PTGES3: variants seen among roughly 807,000 people sequenced by gnomAD.
The protein encoded by PTGES3 is prostaglandin E synthase 3, also known as Hsp90 co-chaperone.
PTGES3 carries 5 observed loss-of-function variants against 29.9 expected under a neutral mutation model. That is an observed-to-expected ratio of 0.17 (90% CI 0.09 to 0.35). The LOEUF is 0.35. Ranked by LOEUF, PTGES3 falls within the 10% of genes least tolerant of loss-of-function variation. The pLI, the probability that PTGES3 is intolerant of heterozygous loss-of-function variation, is 1.00. For synonymous variants in PTGES3, 49 were observed against 57.8 expected (o/e 0.85, Z 0.69); for missense variants, 128 against 190.0 (o/e 0.67, Z 1.92).
chr12:56,673,969 AAACAAC>A (rs1011192900), intron 1 of PTGES3, among the ~76,000 whole-genome samples: 3 of 152,072 alleles, frequency 2.0e-5, no homozygotes, highest in East Asian at 1.9e-4. Context: ...GTCTCAAAAC[AAACAAC>A]AACAACAAAA....
chr12:56,683,060 A>G (rs570084540), intron 1 of PTGES3, among the ~76,000 whole-genome samples: 1 of 152,056 alleles, frequency 6.6e-6, no homozygotes, highest in African/African-American at 2.4e-5. Context: ...TCTAGAATCT[A>G]TCATTGCCGG....
intron 1 of PTGES3, chr12:56,687,518 G>C (rs1173983804): frequency 1.0e-6 from 1 of 1,000,622 alleles, no homozygotes; most frequent in South Asian, 4.3e-5. Context: ...GGCGAGGTCC[G>C]CGTGGGGCTC....
intron 1 of PTGES3, chr12:56,687,326 T>TA: frequency 3.0e-6 from 3 of 989,090 alleles, no homozygotes; most frequent in Non-Finnish European, 3.6e-6. Flanking sequence ...TGCTCAATGG[T>TA]AACTCCTCCT....
intron 5 of PTGES3, 51 bp from the exon 6 acceptor site, chr12:56,666,317 A>C: frequency 6.3e-7 from 1 of 1,588,528 alleles, no homozygotes; most frequent in Non-Finnish European, 8.6e-7. Context: ...GTTAGGCCCT[A>C]ATTATTAATG....
chr12:56,675,862 G>T (rs1395571403), intron 1 of PTGES3, among the ~76,000 whole-genome samples: 4 of 152,110 alleles, frequency 2.6e-5, no homozygotes, highest in Non-Finnish European at 5.9e-5. Flanking sequence ...GGTGGAGGTT[G>T]CAGTGAGCCC....
At chr12:56,677,012 G>C (rs990693157) in intron 1 of PTGES3, among the ~76,000 whole-genome samples, 2 of 151,204 alleles carry the variant, frequency 1.3e-5, no homozygotes, top group African/African-American at 2.4e-5. Flanking sequence ...GAGGTGAGCA[G>C]GTCACCTGAT....
chr12:56,674,807 C>T (rs898960422), intron 1 of PTGES3, among the ~76,000 whole-genome samples: 1 of 93,472 alleles, frequency 1.1e-5, no homozygotes, highest in African/African-American at 4.4e-5. Flanking sequence ...GCCTGGGCAA[C>T]AGAGCAAGAC....
chr12:56,682,638 A>G (rs1191872642), intron 1 of PTGES3, among the ~76,000 whole-genome samples: 2 of 148,724 alleles, frequency 1.3e-5, no homozygotes, highest in Non-Finnish European at 3.0e-5. Context: ...CTGTAAACCC[A>G]GGACTTTGGG....
At position 56,688,241 on chromosome 12, in the gene PTGES3, G is replaced by A. The variant is rs925652243; in HGVS notation, c.-242C>T. 1.1e-5 allele frequency: 7 copies of A among 648,544 alleles called. No individual in the cohort carries two copies. Among genetic ancestry groups the A allele is most frequent in the South Asian group, 6.0e-5 (2 of 33,604 alleles). The allele number at this position is 648,544 out of a possible 1,614,324, so 40.2% of individuals were successfully genotyped here. A position where few individuals can be genotyped will look rare whatever the true frequency, so the allele number is the denominator to read the frequency against. On this transcript the variant is annotated 5_prime_UTR_variant, in exon 1 of 8. Coordinates refer to ENST00000262033, the MANE Select transcript of PTGES3 (RefSeq NM_006601.7). ...GGAAAGTGTAGGAAAAGGGGCGCGA[G>A]GACGGAGAATGAACGTGCGTGCGTG...
At chr12:56,675,604 T>C (rs1188246298) in intron 1 of PTGES3, among the ~76,000 whole-genome samples, 1 of 151,166 alleles carries the variant, frequency 6.6e-6, no homozygotes, top group Non-Finnish European at 1.5e-5. Flanking sequence ...TGACCCTTTA[T>C]ACAAGTTGGC....
chr12:56,683,346 G>A (rs1366716406), intron 1 of PTGES3, among the ~76,000 whole-genome samples: 2 of 151,582 alleles, frequency 1.3e-5, no homozygotes, highest in Non-Finnish European at 2.9e-5. Flanking sequence ...GGTGGCGCAT[G>A]CCTGTGATCG....
At chr12:56,683,635 GCC>G (rs1952671783) in intron 1 of PTGES3, among the ~76,000 whole-genome samples, 1 of 151,192 alleles carries the variant, frequency 6.6e-6, no homozygotes, top group Non-Finnish European at 1.5e-5. Flanking sequence ...GGGCGACAGA[GCC>G]AGACTCCATC....
chr12:56,665,561 T>C (rs1169291771), intron 6 of PTGES3: 2 of 985,320 alleles, frequency 2.0e-6, no homozygotes, highest in Non-Finnish European at 1.2e-6. Context: ...CCAATGTCCA[T>C]CTGTTTTATC....
rs1179010862 is a variant in PTGES3 at position 56,663,545 on chromosome 12, A to G, written c.*934T>C. The G allele has an allele frequency of 1.3e-5, 2 of 152,590 alleles. No homozygotes were observed. Among genetic ancestry groups the G allele is most frequent in the Non-Finnish European group, 2.9e-5 (2 of 68,044 alleles). 9.5% of individuals were successfully genotyped at this position (152,590 alleles called of 1,614,324 possible). ...CCTCAAATAAACTCCATTCCAGTAA[A>G]TGGTAAATACATAAAAATTACAGTA... On this transcript the variant is annotated 3_prime_UTR_variant, in exon 8 of 8. Transcript: ENST00000262033.
At chr12:56,681,856 CAA>C (rs1320555765) in intron 1 of PTGES3, among the ~76,000 whole-genome samples, 3 of 149,280 alleles carry the variant, frequency 2.0e-5, no homozygotes, top group South Asian at 2.1e-4. Flanking sequence ...GACTCCATCT[CAA>C]AAAAAAAGAG....
At chr12:56,679,322 G>A (rs866370831) in intron 1 of PTGES3, among the ~76,000 whole-genome samples, 2 of 149,694 alleles carry the variant, frequency 1.3e-5, no homozygotes, top group African/African-American at 4.9e-5. Context: ...CATGAGAATC[G>A]GTTGAACCCA....
At chr12:56,669,056 C>CT (rs1345350183) in intron 5 of PTGES3, among the ~76,000 whole-genome samples, 1 of 146,226 alleles carries the variant, frequency 6.8e-6, no homozygotes, top group East Asian at 2.0e-4. Flanking sequence ...GTCGCCCAGG[C>CT]TGGAGTGCAG....
At chr12:56,669,488 G>C (rs1166545818) in intron 5 of PTGES3, among the ~76,000 whole-genome samples, 1 of 152,146 alleles carries the variant, frequency 6.6e-6, no homozygotes, top group East Asian at 1.9e-4. Flanking sequence ...TCACCATGTT[G>C]GTCAGGCTGG....
chr12:56,687,665 G>C (rs1173156188), intron 1 of PTGES3: 1 of 1,249,514 alleles, frequency 8.0e-7, no homozygotes, highest in Non-Finnish European at 1.0e-6. Flanking sequence ...TCACGCTTCA[G>C]GGCGCCGCAT....
Sources: gnomAD v4.1 joint callset for allele counts (sites outside exome capture counted in the v4.1 genomes callset) on GRCh38, gnomAD v4.1.1 for gene constraint, MANE v1.5 for transcripts, NCBI Gene and HGNC (gene_info 2026-07-23, HGNC 2026-07-21) for gene names.